The following LRP4 variants were observed in gnomAD, a reference collection of about 807,000 sequenced individuals.
LRP4 encodes the protein low-density lipoprotein receptor-related protein 4.
In LRP4, 95 loss-of-function variants were observed where a neutral mutation model predicts 220.3. That is an observed-to-expected ratio of 0.43 (90% CI 0.37 to 0.51). LRP4 has a LOEUF of 0.51. Ranked by LOEUF, LRP4 falls within the 20% of genes least tolerant of loss-of-function variation. The pLI is 0.00. For synonymous variants in LRP4, 903 were observed against 954.6 expected (o/e 0.95, Z 1.00); for missense variants, 1,925 against 2,567.0 (o/e 0.75, Z 5.40).
intron 32 of LRP4, 72 bp from the exon 33 acceptor site, chr11:46,868,785 AGAGGAAATCCAG>A (rs1191062576): frequency 4.1e-5 from 55 of 1,332,418 alleles, no homozygotes; most frequent in African/African-American, 8.6e-5. Context: ...TCTCAAAAAC[AGAGGAAATCCAG>A]GATTACCCTA....
chr11:46,869,883 C>T (rs908790901), intron 31 of LRP4, among the ~76,000 whole-genome samples: 6 of 151,594 alleles, frequency 4.0e-5, no homozygotes, highest in East Asian at 1.9e-4. Flanking sequence ...CCAAGGTGGG[C>T]GATCATGAGG....
At chr11:46,878,848 A>G in intron 22 of LRP4, 59 bp downstream of exon 22, 1 of 1,610,644 alleles carries the variant, frequency 6.2e-7, no homozygotes, top group Non-Finnish European at 8.5e-7. Context: ...CAAGGAAGGA[A>G]GAGAGCCATT....
chr11:46,869,068 G>A lies in LRP4; in HGVS notation c.4757C>T (p.Ser1586Leu). Residue 1586 changes from serine (S) to leucine (L), a missense_variant, in exon 32 of 38, where the codon TCA (serine) becomes TTA (leucine). Ser to Leu is a moderately radical substitution (Grantham distance 145). Around this residue, in one of 3 missense-constraint regions of LRP4, gnomAD observed 1,244 missense variants for 1,624.9 expected, o/e 0.77. Transcript: ENST00000378623. ...TKSIQRVDKY[S>L]GRNKETVLAN... is the part of the protein sequence containing the mutation. Reference sequence around the variant, plus strand: ...CAGCACTGTCTCCTTGTTCCGGCCTGAGTATTTGTCAACACGCTGGATTGA... The same window carrying A: ...CAGCACTGTCTCCTTGTTCCGGCCTAAGTATTTGTCAACACGCTGGATTGA... 1 of 1,614,138 alleles carries A rather than the reference G, an allele frequency of 6.2e-7. No homozygotes were observed. The highest frequency in any genetic ancestry group is 8.5e-7 in the Non-Finnish European group (1 of 1,180,030).
At position 46,895,891 on chromosome 11, in the gene LRP4, C is replaced by A. The variant is rs147253306; in HGVS notation, c.1176G>T (p.Thr392=). The change falls in exon 10 of 38, where the codon ACG becomes ACT. Residue 392 remains threonine, a synonymous_variant. Transcript: ENST00000378623. ...TGYRLTEDGH[T]CQDVNECAEE... ...AACCAGGCCCCAGCTCACCTTGGCA[C>A]GTGTGCCCATCCTCTGTGAGCCGGT... The A allele has an allele frequency of 1.4e-5, 23 of 1,612,784 alleles. No homozygotes were observed. Among genetic ancestry groups the A allele is most frequent in the Non-Finnish European group, 1.9e-5 (23 of 1,179,958 alleles).
At chr11:46,905,473 T>A (rs1478622023) in intron 1 of LRP4, among the ~76,000 whole-genome samples, 1 of 152,214 alleles carries the variant, frequency 6.6e-6, no homozygotes, top group Admixed American at 6.5e-5. Flanking sequence ...CATTTAGCAA[T>A]GTTTGGAGAC....
chr11:46,877,171 C>T, intron 23 of LRP4, 28 bp downstream of exon 23: 1 of 1,612,712 alleles, frequency 6.2e-7, no homozygotes, highest in Admixed American at 1.7e-5. Flanking sequence ...GGACAGAAGG[C>T]CAGGTGGGAA....
Position 46,895,298 on chromosome 11 carries a change from A to G in LRP4, c.1184-7T>C, listed in dbSNP as rs756736636. The G allele has an allele frequency of 3.1e-6, 5 of 1,612,388 alleles. No individual in the cohort carries two copies. The Admixed American group carries it at 8.3e-5, about 27-fold the overall frequency. On this transcript the variant is annotated splice_region_variant and splice_polypyrimidine_tract_variant and intron_variant, in intron 10 of 37. Coordinates refer to ENST00000378623, the MANE Select transcript of LRP4 (RefSeq NM_002334.4). Reference sequence around the variant, plus strand: ...TCGGCACATTCATTCACATCTGGGAACACCAGGCAGGTCAAGAGATCTCCC... The same window carrying G: ...TCGGCACATTCATTCACATCTGGGAGCACCAGGCAGGTCAAGAGATCTCCC...
chr11:46,889,264 C>T, intron 16 of LRP4, 147 bp downstream of exon 16: 1 of 1,106,590 alleles, frequency 9.0e-7, no homozygotes, highest in Non-Finnish European at 1.3e-6. Context: ...TAGAAGATCC[C>T]TCAGCCTCTT....
chr11:46,915,419 G>C (rs1361981882), intron 1 of LRP4, among the ~76,000 whole-genome samples: 3 of 152,170 alleles, frequency 2.0e-5, no homozygotes, highest in Non-Finnish European at 4.4e-5. Flanking sequence ...AAATCACTCA[G>C]GGCTATTACC....
chr11:46,893,951 G>A (rs1941473238), intron 12 of LRP4, among the ~76,000 whole-genome samples: 1 of 148,492 alleles, frequency 6.7e-6, no homozygotes, highest in Non-Finnish European at 1.5e-5. Flanking sequence ...AAGTACAATG[G>A]CGTGATCTCG....
In LRP4 at chr11:46,886,272, C is replaced by T; in HGVS notation, c.2424+53G>A. The T allele has an allele frequency of 2.5e-6, 4 of 1,602,478 alleles. No individual in the cohort carries two copies. In the Admixed American group the frequency reaches 6.8e-5, roughly 27 times the overall value. On this transcript the variant is annotated intron_variant, in intron 17 of 37. Coordinates refer to ENST00000378623, the MANE Select transcript of LRP4 (RefSeq NM_002334.4). ...AAGGTTGGCAAAGGTATGGGAAGCC[C>T]TTCCCTGGAGAGGGTGGATTCCACC...
intron 16 of LRP4, among the ~76,000 whole-genome samples, chr11:46,888,648 T>C (rs1374324441): frequency 6.6e-6 from 1 of 151,854 alleles, no homozygotes; most frequent in African/African-American, 2.4e-5. Context: ...TTTTGAATGT[T>C]TTCCCTAACC....
At chr11:46,912,662 C>A (rs1043130552) in intron 1 of LRP4, among the ~76,000 whole-genome samples, 1 of 152,174 alleles carries the variant, frequency 6.6e-6, no homozygotes, top group Non-Finnish European at 1.5e-5. Context: ...TCCCCCAAGG[C>A]GTGACAGGAA....
intron 30 of LRP4, among the ~76,000 whole-genome samples, 187 bp downstream of exon 30, chr11:46,872,913 A>C (rs770120316): frequency 3.3e-5 from 5 of 152,220 alleles, no homozygotes; most frequent in Non-Finnish European, 5.9e-5. Context: ...AACAAAACCC[A>C]CATAAGGGTT....
intron 35 of LRP4, 21 bp from the exon 36 acceptor site, chr11:46,864,556 C>G (rs1282071332): frequency 6.5e-7 from 1 of 1,534,750 alleles, no homozygotes; most frequent in South Asian, 1.1e-5. Context: ...TAGAGAAACA[C>G]TAGGCAGGGG....
rs546318025 is a variant in LRP4 at position 46,869,063 on chromosome 11, G to C, written c.4762C>G (p.Arg1588Gly). Residue 1588 changes from arginine to glycine, a missense_variant, in exon 32 of 38, where the codon CGG (arginine) becomes GGG (glycine). By Grantham distance (125) the Arg-to-Gly change is moderately radical. Transcript: ENST00000378623. ...TTTGCCAGCACTGTCTCCTTGTTCCGGCCTGAGTATTTGTCAACACGCTGG... is the reference window on the plus strand; with the variant it reads ...TTTGCCAGCACTGTCTCCTTGTTCCCGCCTGAGTATTTGTCAACACGCTGG... ...SIQRVDKYSG[R>G]NKETVLANVE... 6.2e-7 allele frequency: 1 copy of C among 1,614,088 alleles called. No homozygotes were observed. The highest frequency in any genetic ancestry group is 1.7e-5 in the Admixed American group (1 of 60,010).
chr11:46,868,841 C>T (rs969155614), intron 32 of LRP4, 128 bp from the exon 33 acceptor site: 89 of 1,275,406 alleles, frequency 7.0e-5, no homozygotes, highest in Middle Eastern at 3.6e-4. Flanking sequence ...GAGATACAAC[C>T]GCGAGGGAGT....
chr11:46,917,000 G>A (rs969437809), intron 1 of LRP4, among the ~76,000 whole-genome samples: 19 of 152,244 alleles, frequency 1.2e-4, no homozygotes, highest in African/African-American at 2.7e-4. Context: ...CCGCTCTTCG[G>A]AGAGAAAGAG....
intron 1 of LRP4, among the ~76,000 whole-genome samples, chr11:46,910,102 T>C (rs1441898138): frequency 2.0e-5 from 3 of 152,198 alleles, no homozygotes; most frequent in Admixed American, 6.5e-5. Flanking sequence ...GAAAGGGACA[T>C]GTCGGGCACA....
Sources: allele counts gnomAD v4.1 joint callset (sites outside exome capture counted in the v4.1 genomes callset), GRCh38; gene constraint gnomAD v4.1.1; regional missense constraint gnomAD v4.1.1; transcripts MANE v1.5; gene names NCBI Gene and HGNC (gene_info 2026-07-23, HGNC 2026-07-21).